WWOX: variants seen among roughly 807,000 people sequenced by gnomAD.
WWOX encodes WW domain containing oxidoreductase, also known as WW domain-containing oxidoreductase.
Under a neutral mutation model 46.2 loss-of-function variants are expected in WWOX, and 69 were observed. The ratio of observed to expected loss-of-function variants is 1.49; its 90% CI spans 1.23 to 1.82. WWOX has a LOEUF of 1.82. WWOX is among the 40% of genes most tolerant of loss of function. WWOX has a pLI of 0.00. For synonymous variants in WWOX, 359 were observed against 202.6 expected (o/e 1.77, Z -6.56); for missense variants, 919 against 542.6 (o/e 1.69, Z -6.89).
At chr16:78,110,440 T>C (rs2032427229) in intron 3 of WWOX, among the ~76,000 whole-genome samples, 2 of 152,118 alleles carry the variant, frequency 1.3e-5, no homozygotes, top group African/African-American at 4.8e-5. Context: ...TGTATCCATA[T>C]CTATTTTTCA....
At chr16:78,202,195 G>A (rs1567424183) in intron 5 of WWOX, among the ~76,000 whole-genome samples, 1 of 152,146 alleles carries the variant, frequency 6.6e-6, no homozygotes, top group Non-Finnish European at 1.5e-5. Flanking sequence ...AATGTCTTGG[G>A]GACAGTGTTG....
At chr16:78,868,476 T>TACTA (rs1555553728) in intron 8 of WWOX, among the ~76,000 whole-genome samples, 3 of 86,222 alleles carry the variant, frequency 3.5e-5, no homozygotes, top group Non-Finnish European at 4.9e-5. Flanking sequence ...TGGATAAATA[T>TACTA]ACTAACATCA....
At chr16:79,097,446 T>C (rs1039617657) in intron 8 of WWOX, among the ~76,000 whole-genome samples, 13 of 151,990 alleles carry the variant, frequency 8.6e-5, no homozygotes, top group African/African-American at 2.9e-4. Context: ...CAACCAACGC[T>C]GTGATCTAAT....
chr16:78,142,119 A>G (rs1215861893), intron 4 of WWOX, among the ~76,000 whole-genome samples: 1 of 152,092 alleles, frequency 6.6e-6, no homozygotes, highest in Non-Finnish European at 1.5e-5. Context: ...AATAAATATA[A>G]TTAGTTTAAG....
chr16:78,561,000 G>T (rs1597268632), intron 8 of WWOX, among the ~76,000 whole-genome samples: 1 of 152,240 alleles, frequency 6.6e-6, no homozygotes, highest in Admixed American at 6.5e-5. Flanking sequence ...GGTCTCTTGG[G>T]GACAAAATAA....
At chr16:79,120,102 C>T (rs1333840027) in intron 8 of WWOX, among the ~76,000 whole-genome samples, 5 of 152,136 alleles carry the variant, frequency 3.3e-5, no homozygotes, top group African/African-American at 1.2e-4. Flanking sequence ...CACTTAACAT[C>T]CTGCCGTTAA....
At chr16:78,398,173 C>T (rs1448701333) in intron 6 of WWOX, among the ~76,000 whole-genome samples, 1 of 152,192 alleles carries the variant, frequency 6.6e-6, no homozygotes, top group East Asian at 1.9e-4. Flanking sequence ...AAACCCAGCC[C>T]TGACACTGTC....
rs547236644 is a variant in WWOX at position 78,433,777 on chromosome 16, C to CTTTTT, written c.1056+1051_1056+1055dup. Among the ~76,000 whole-genome samples the CTTTTT allele has an allele frequency of 5.2e-4, 44 of 84,404 alleles. 2 individuals are homozygous for CTTTTT. The highest frequency in any genetic ancestry group is 6.7e-4 in the Non-Finnish European group (30 of 44,920). 55.4% of individuals were successfully genotyped at this position (84,404 alleles called of 152,430 possible). On this transcript the variant is annotated intron_variant, in intron 8 of 8. Transcript: ENST00000566780. ...CCTTAACCTTCGTATTTGGGGATGA[C>CTTTTT]TTTTTTTTTTTTTTTTTTTTTTTTT...
chr16:78,238,373 C>A (rs995344603), intron 5 of WWOX, among the ~76,000 whole-genome samples: 3 of 151,624 alleles, frequency 2.0e-5, no homozygotes, highest in Non-Finnish European at 2.9e-5. Flanking sequence ...GTTCACAGCT[C>A]AGAGAAGCCT....
At position 78,779,017 on chromosome 16, in the gene WWOX, A is replaced by T. The variant is rs1305732766; in HGVS notation, c.1056+346265A>T. Among the ~76,000 whole-genome samples, 2 of 152,216 alleles carry T rather than the reference A, an allele frequency of 1.3e-5. 1 individual carries two copies. The highest frequency in any genetic ancestry group is 2.9e-5 in the Non-Finnish European group (2 of 68,036). On this transcript the variant is annotated intron_variant, in intron 8 of 8. Transcript: ENST00000566780. ...ATTTCAGGGGATGACCAGTCTGAATAAAACCAATGAGCTTAATCTACTTGT... is the reference window on the plus strand; with the variant it reads ...ATTTCAGGGGATGACCAGTCTGAATTAAACCAATGAGCTTAATCTACTTGT...
intron 8 of WWOX, among the ~76,000 whole-genome samples, chr16:79,141,367 G>A (rs1160626315): frequency 6.6e-6 from 1 of 152,150 alleles, no homozygotes; most frequent in Non-Finnish European, 1.5e-5. Context: ...TGACCACTTT[G>A]GGCATGTGTC....
At chr16:78,401,514 G>C (rs1156988232) in intron 6 of WWOX, among the ~76,000 whole-genome samples, 1 of 152,086 alleles carries the variant, frequency 6.6e-6, no homozygotes, top group East Asian at 1.9e-4. Flanking sequence ...CCTGTATCCT[G>C]TCTTGGTATT....
chr16:79,113,013 G>C (rs1313340674), intron 8 of WWOX, among the ~76,000 whole-genome samples: 1 of 152,226 alleles, frequency 6.6e-6, no homozygotes, highest in East Asian at 1.9e-4. Flanking sequence ...TTCTTGTTGA[G>C]TGCCAGCCCA....
At chr16:78,162,135 G>T (rs113108145) in intron 4 of WWOX, among the ~76,000 whole-genome samples, 1,774 of 152,282 alleles carry the variant, frequency 0.012, 29 homozygotes, top group African/African-American at 0.025. Context: ...GACACTAGGT[G>T]TAGTGTAGGT....
At chr16:79,018,742 C>G (rs2047468328) in intron 8 of WWOX, among the ~76,000 whole-genome samples, 1 of 152,196 alleles carries the variant, frequency 6.6e-6, no homozygotes, top group African/African-American at 2.4e-5. Context: ...AAACCAGGGT[C>G]TTTCCTATTT....
intron 6 of WWOX, among the ~76,000 whole-genome samples, chr16:78,416,339 C>T (rs533914421): frequency 1.3e-5 from 2 of 152,282 alleles, no homozygotes; most frequent in African/African-American, 4.8e-5. Flanking sequence ...AATTCTTTTC[C>T]TTTTGTACAA....
intron 8 of WWOX, chr16:78,873,536 C>T (rs929540727): frequency 1.3e-5 from 2 of 152,204 alleles, no homozygotes; most frequent in African/African-American, 4.8e-5. Flanking sequence ...CTTGTAATCC[C>T]AGCACTTTTG....
rs144280566 is a variant in WWOX, at chr16:78,953,706, G to T, written c.1057-257902G>T. On this transcript the variant is annotated intron_variant, in intron 8 of 8. Transcript: ENST00000566780. ...TAGGCAGTGACAGAAGAGAGTGCAT[G>T]CATGAATGGATAAACTCTTTCCTGG... Among the ~76,000 whole-genome samples, 8 of 152,298 alleles carry T rather than the reference G, an allele frequency of 5.3e-5. No homozygotes were observed. In the East Asian group the frequency reaches 1.4e-3, roughly 26 times the overall value.
intron 5 of WWOX, among the ~76,000 whole-genome samples, chr16:78,185,248 C>A (rs768560201): frequency 1.3e-5 from 2 of 152,212 alleles, no homozygotes; most frequent in African/African-American, 4.8e-5. Flanking sequence ...TCATGTCAAG[C>A]CTTTTTGCTG....
Sources: gnomAD v4.1 joint callset for allele counts (sites outside exome capture counted in the v4.1 genomes callset) on GRCh38, gnomAD v4.1.1 for gene constraint, MANE v1.5 for transcripts, NCBI Gene and HGNC (gene_info 2026-07-23, HGNC 2026-07-21) for gene names.